The following TUFM variants were observed in gnomAD, a reference collection of about 807,000 sequenced individuals.
TUFM encodes the protein elongation factor Tu, mitochondrial.
A neutral mutation model predicts 45.0 loss-of-function variants in TUFM; 23 were observed. That is an observed-to-expected ratio of 0.51 (90% confidence interval 0.37 to 0.72). TUFM has a LOEUF of 0.72. Among genes scored for constraint, TUFM ranks in the 30% least tolerant of loss-of-function variants. The probability of loss-of-function intolerance (pLI) is 0.00; values close to 1 mark genes in which losing one functional copy is unlikely to be tolerated. For synonymous variants in TUFM, 243 were observed against 252.9 expected, an observed-to-expected ratio of 0.96 and a Z score of 0.37; for missense variants, 490 against 610.7, an observed-to-expected ratio of 0.80 and a Z score of 2.08.
rs1961839499 is a variant in TUFM, at chr16:28,842,987, G to A, written c.1356C>T (p.Ile452=). The change falls in exon 10 of 10, where the codon ATC becomes ATT. Residue 452 remains isoleucine, a synonymous_variant. Coordinates refer to ENST00000313511, the MANE Select transcript of TUFM (RefSeq NM_003321.5). ...TLAMTEEEKN[I]KWG is the part of the protein sequence containing the mutation. ...GAGATCTGCACACTCAACCCCATTT[G>A]ATATTCTTCTCCTCCTCAGTCATGG... The A allele has an allele frequency of 8.7e-6, 14 of 1,614,084 alleles. No homozygotes were observed. Among genetic ancestry groups the A allele is most frequent in the Non-Finnish European group, 1.2e-5 (14 of 1,180,038 alleles).
At position 28,844,375 on chromosome 16, in the gene TUFM, G is replaced by C. The variant is rs201875473; in HGVS notation, c.818-41C>G. On this transcript the variant is annotated intron_variant, in intron 6 of 9. Transcript: ENST00000313511. The surrounding 1 kb of genome is among the most constrained non-coding windows in gnomAD (Gnocchi z 5.8). The stretch of plus-strand genomic sequence containing the variant: ...ACAGGATATCAGGGACCCCGAGCTA[G>C]GCTTCTGCTAGAGAGAGTGCGTGGG... 1.9e-6 allele frequency: 3 copies of C among 1,614,060 alleles called. No homozygotes were observed. Among genetic ancestry groups the C allele is most frequent in the East Asian group, 2.2e-5 (1 of 44,896 alleles).
At chr16:28,845,503 C>T (rs1431905463) in intron 2 of TUFM, 23 bp from the exon 3 acceptor site, 2 of 1,613,916 alleles carry the variant, frequency 1.2e-6, no homozygotes, top group East Asian at 2.2e-5. Flanking sequence ...AAGAACACAC[C>T]TCTCAGCTAA....
At position 28,844,090 on chromosome 16, in the gene TUFM, A is replaced by G; in HGVS notation, c.934T>C (p.Phe312Leu). Reference protein sequence around the residue: ...IRTVVTGIEMFHKSLERAEAG... With the variant: ...IRTVVTGIEMLHKSLERAEAG... Reference sequence around the variant, plus strand: ...TCGGCCCTCTCCAGGCTCTTGTGGAACATCTCAATGCCTAGGACGGAAAGG... The same window carrying G: ...TCGGCCCTCTCCAGGCTCTTGTGGAGCATCTCAATGCCTAGGACGGAAAGG... The change falls in exon 8 of 10, where the codon TTC becomes CTC. Residue 312 changes from phenylalanine to leucine, a missense_variant. Coordinates refer to ENST00000313511, the MANE Select transcript of TUFM (RefSeq NM_003321.5). The surrounding 1 kb of genome is among the most constrained non-coding windows in gnomAD (Gnocchi z 5.8). 6.2e-7 allele frequency: 1 copy of G among 1,614,174 alleles called. No homozygotes were observed. Among genetic ancestry groups the G allele is most frequent in the Non-Finnish European group, 8.5e-7 (1 of 1,180,030 alleles).
chr16:28,846,209 A>G lies in TUFM; in HGVS notation c.52+9T>C. The G allele has an allele frequency of 6.3e-7, 1 of 1,580,472 alleles. No homozygotes were observed. The highest frequency in any genetic ancestry group is 8.6e-7 in the Non-Finnish European group (1 of 1,163,416). ...TCCTGGGCCGCCATCGCCCTCCCTG[A>G]CCACTCACCGCTGAAGTGGGGCGTC... On this transcript the variant is annotated intron_variant, in intron 1 of 9. Coordinates refer to ENST00000313511, the MANE Select transcript of TUFM (RefSeq NM_003321.5).
intron 2 of TUFM, 38 bp downstream of exon 2, chr16:28,845,874 G>A (rs1961937262): frequency 2.5e-6 from 4 of 1,609,818 alleles, no homozygotes; most frequent in African/African-American, 1.3e-5. Flanking sequence ...GGTCCCATCA[G>A]TAGATAGGGC....
Position 28,845,001 on chromosome 16 carries a change from T to C in TUFM, c.469A>G (p.Asn157Asp), listed in dbSNP as rs1307934299. 8 of 1,614,172 alleles carry C rather than the reference T, an allele frequency of 5.0e-6. No individual in the cohort carries two copies. The highest frequency in any genetic ancestry group is 6.8e-6 in the Non-Finnish European group (8 of 1,180,016). Residue 157 changes from asparagine (N) to aspartate (D), a missense_variant, in exon 4 of 10, where the codon AAT (asparagine) becomes GAT (aspartate). Asn to Asp is a conservative substitution (Grantham distance 23). Transcript: ENST00000313511. ...LDGCILVVAANDGPMPQTREH... is the reference protein window; with the variant it reads ...LDGCILVVAADDGPMPQTREH... ...CGGGTCTGGGGCATGGGGCCGTCAT[T>C]GGCTGCTACCACCAGGATGCAGCCG...
Position 28,846,295 on chromosome 16 carries a change from CG to C in TUFM, c.-27del, listed in dbSNP as rs1366308538. The C allele has an allele frequency of 1.3e-5, 20 of 1,548,210 alleles. No homozygotes were observed. The Admixed American group carries it at 1.4e-4, about 11-fold the overall frequency. The stretch of plus-strand genomic sequence containing the variant: ...ACTCGCGCCCCGGTAACCGGGGAGC[CG>C]GGACCAGGAGCCCGAGCGCACAGAA... On this transcript the variant is annotated 5_prime_UTR_variant, in exon 1 of 10. Transcript: ENST00000313511.
In TUFM at chr16:28,844,687, C is replaced by T; in HGVS notation, c.684+11G>A. On this transcript the variant is annotated intron_variant, in intron 5 of 9. Transcript: ENST00000313511. The surrounding 1 kb of genome is among the most constrained non-coding windows in gnomAD (Gnocchi z 5.8). ...CTCTGCAGCAGCTGCCCTGCCTGACCCCGCGTTCACCTCAAGGGCACAGAG... is the reference window on the plus strand; with the variant it reads ...CTCTGCAGCAGCTGCCCTGCCTGACTCCGCGTTCACCTCAAGGGCACAGAG... 6.2e-7 allele frequency: 1 copy of T among 1,614,152 alleles called. No individual in the cohort carries two copies. The highest frequency in any genetic ancestry group is 8.5e-7 in the Non-Finnish European group (1 of 1,180,022).
rs985224828 is a variant in TUFM at position 28,846,288 on chromosome 16, G to C, written c.-19C>G. 18 of 1,550,178 alleles carry C rather than the reference G, an allele frequency of 1.2e-5. No individual in the cohort carries two copies. The African/African-American group carries it at 2.3e-4, about 20-fold the overall frequency. ...TGGTCATACTCGCGCCCCGGTAACC[G>C]GGGAGCCGGGACCAGGAGCCCGAGC... On this transcript the variant is annotated 5_prime_UTR_variant, in exon 1 of 10. Transcript: ENST00000313511.
chr16:28,842,988 A>G lies in TUFM; in HGVS notation c.1355T>C (p.Ile452Thr). 1 of 1,614,146 alleles carries G rather than the reference A, an allele frequency of 6.2e-7. No individual in the cohort carries two copies. The highest frequency in any genetic ancestry group is 8.5e-7 in the Non-Finnish European group (1 of 1,180,002). The change falls in exon 10 of 10, where the codon ATC becomes ACC. Residue 452 changes from isoleucine (I) to threonine (T), a missense_variant. By Grantham distance (89) the Ile-to-Thr change is moderately conservative. Coordinates refer to ENST00000313511, the MANE Select transcript of TUFM (RefSeq NM_003321.5). ...AGATCTGCACACTCAACCCCATTTG[A>G]TATTCTTCTCCTCCTCAGTCATGGC... ...TLAMTEEEKNIKWG is the reference protein window; with the variant it reads ...TLAMTEEEKNTKWG
Position 28,842,630 on chromosome 16 carries a change from A to G in TUFM, c.*345T>C, listed in dbSNP as rs1452796371. The G allele has an allele frequency of 2.8e-6, 1 of 357,380 alleles. No individual in the cohort carries two copies. The highest frequency in any genetic ancestry group is 6.8e-5 in the East Asian group (1 of 14,760). 22.1% of individuals were successfully genotyped at this position (357,380 alleles called of 1,614,324 possible). The stretch of plus-strand genomic sequence containing the variant: ...ATCTCCCAGGAGGCTGAATAACGGC[A>G]TCCTACTGTGTCTAGGCAATCACTA... On this transcript the variant is annotated 3_prime_UTR_variant, in exon 10 of 10. Transcript: ENST00000313511.
Position 28,846,035 on chromosome 16 carries a change from A to C in TUFM, c.124T>G (p.Leu42Val), listed in dbSNP as rs1310194844. The C allele has an allele frequency of 1.2e-6, 2 of 1,613,826 alleles. No individual in the cohort carries two copies. Among genetic ancestry groups the C allele is most frequent in the Admixed American group, 3.3e-5 (2 of 60,026 alleles). ...RLLKAPALPL[L>V]CRGLAVEAKK... ...GCCTCCACGGCCAGGCCGCGGCACA[A>C]GAGAGGCAATGCCGGGGCTTTCAGC... The change falls in exon 2 of 10, where the codon TTG becomes GTG. Residue 42 changes from leucine (L) to valine (V), a missense_variant. By Grantham distance (32) the Leu-to-Val change is conservative. Transcript: ENST00000313511.
Position 28,844,480 on chromosome 16 carries a change from C to T in TUFM, c.756G>A (p.Val252=). The T allele has an allele frequency of 6.2e-7, 1 of 1,614,142 alleles. No homozygotes were observed. The highest frequency in any genetic ancestry group is 8.5e-7 in the Non-Finnish European group (1 of 1,180,034). Residue 252 remains valine, a synonymous_variant, in exon 6 of 10, where the codon GTG becomes GTA. Coordinates refer to ENST00000313511, the MANE Select transcript of TUFM (RefSeq NM_003321.5). This position sits in a 1 kb window ranked among gnomAD's most constrained non-coding sequence, Gnocchi z 5.8. ...LLDAVDTYIP[V]PARDLEKPFL... Reference sequence around the variant, plus strand: ...AAGGCTTCTCCAGGTCCCGGGCGGGCACTGGGATGTAAGTGTCCACAGCAT... The same window carrying T: ...AAGGCTTCTCCAGGTCCCGGGCGGGTACTGGGATGTAAGTGTCCACAGCAT...
Position 28,844,764 on chromosome 16 carries a change from G to A in TUFM, c.618C>T (p.Leu206=). ...CCTCCCCTTTATAGCCAAACTCGGT[G>A]AGCAGCTCCCGGATCTCCAGTTCCA... The part of the protein sequence containing the change: ...ELVELEIREL[L]TEFGYKGEET... The change falls in exon 5 of 10, where the codon CTC becomes CTT. Residue 206 remains leucine (L), a synonymous_variant. Coordinates refer to ENST00000313511, the MANE Select transcript of TUFM (RefSeq NM_003321.5). The surrounding 1 kb of genome is among the most constrained non-coding windows in gnomAD (Gnocchi z 5.8). 1.2e-6 allele frequency: 2 copies of A among 1,614,194 alleles called. No homozygotes were observed. The highest frequency in any genetic ancestry group is 1.3e-5 in the African/African-American group (1 of 75,036).
At chr16:28,845,861 C>T (rs1444826426) in intron 2 of TUFM, 51 bp downstream of exon 2, 2 of 1,606,618 alleles carry the variant, frequency 1.2e-6, no homozygotes, top group South Asian at 2.2e-5. Context: ...CTCCCTGGCT[C>T]CAGGTCCCAT....
chr16:28,846,280 C>T lies in TUFM; in HGVS notation c.-11G>A, dbSNP rs374213688. On this transcript the variant is annotated 5_prime_UTR_variant, in exon 1 of 10. Transcript: ENST00000313511. ...CGCCATTGTGGTCATACTCGCGCCC[C>T]GGTAACCGGGGAGCCGGGACCAGGA... The T allele has an allele frequency of 7.9e-5, 122 of 1,553,108 alleles. No homozygotes were observed. In the East Asian group the frequency reaches 2.4e-3, roughly 30 times the overall value.
chr16:28,843,199 CT>C, intron 9 of TUFM, 51 bp from the exon 10 acceptor site: 1 of 1,605,552 alleles, frequency 6.2e-7, no homozygotes, highest in Non-Finnish European at 8.5e-7. Flanking sequence ...GCCTTCATTC[CT>C]TAAGTCTTTT....
chr16:28,843,986 T>C lies in TUFM; in HGVS notation c.1038A>G (p.Pro346=), dbSNP rs1961865274. ...CCTTCTGGTGGGGCTTGATGGAACC[T>C]GGCTTGACCATGACCAGGCCCCGCC... ...DLRRGLVMVK[P]GSIKPHQKVE... Residue 346 remains proline (P), a synonymous_variant, in exon 8 of 10, where the codon CCA becomes CCG. Transcript: ENST00000313511. The C allele has an allele frequency of 6.2e-7, 1 of 1,614,176 alleles. No individual in the cohort carries two copies. Among genetic ancestry groups the C allele is most frequent in the Non-Finnish European group, 8.5e-7 (1 of 1,180,032 alleles).
rs1961836007 is a variant in TUFM, at chr16:28,842,854, G to A, written c.*121C>T. On this transcript the variant is annotated 3_prime_UTR_variant, in exon 10 of 10. Transcript: ENST00000313511. The stretch of plus-strand genomic sequence containing the variant: ...GCCAACCCTTCCGAGCAGGGGAAAT[G>A]TCCATCTAGCTGCCCTCTGCTGGGT... 4.6e-6 allele frequency: 6 copies of A among 1,314,222 alleles called. No individual in the cohort carries two copies. The Admixed American group carries it at 6.7e-5, about 15-fold the overall frequency. The allele number at this position is 1,314,222 out of a possible 1,614,324, so 81.4% of individuals were successfully genotyped here.
Sources: gnomAD v4.1 joint callset for allele counts on GRCh38, gnomAD v4.1.1 for gene constraint, Gnocchi (gnomAD v3.1) non-coding constraint, MANE v1.5 for transcripts, NCBI Gene and HGNC (gene_info 2026-07-23, HGNC 2026-07-21) for gene names.